The following COPS8 variants were observed in gnomAD, a reference collection of about 807,000 sequenced individuals.
The protein encoded by COPS8 is COP9 signalosome subunit 8.
COPS8 carries 11 observed loss-of-function variants against 31.5 expected under a neutral mutation model. The ratio of observed to expected loss-of-function variants is 0.35; its 90% CI spans 0.22 to 0.58. The LOEUF is 0.58. Among genes scored for constraint, COPS8 ranks in the 20% least tolerant of loss-of-function variants. The pLI is 0.83. For synonymous variants in COPS8, 81 were observed against 89.3 expected (o/e 0.91, Z 0.52); for missense variants, 215 against 255.1 (o/e 0.84, Z 1.07).
chr2:237,089,966 G>T lies in COPS8; in HGVS notation c.303G>T (p.Thr101=). Residue 101 remains threonine (T), a synonymous_variant, in exon 4 of 8, where the codon ACG becomes ACT. Transcript: ENST00000354371. ...TTINAHQWSE[T]VQPIMEALRD... is the part of the protein sequence containing the mutation. ...TCAACGCTCACCAGTGGTCTGAGAC[G>T]GTCCAGCCAATTATGGAAGCACTTA... 1 of 1,613,944 alleles carries T rather than the reference G, an allele frequency of 6.2e-7. No homozygotes were observed. The highest frequency in any genetic ancestry group is 8.5e-7 in the Non-Finnish European group (1 of 1,179,928).
rs1054387704 is a variant in COPS8, at chr2:237,099,230, G to C, written c.*1488G>C. 6.6e-6 allele frequency: 1 copy of C among 152,112 alleles called. No individual in the cohort carries two copies. Among genetic ancestry groups the C allele is most frequent in the African/African-American group, 2.4e-5 (1 of 41,414 alleles). The allele number at this position is 152,112 out of a possible 1,614,324, so 9.4% of individuals were successfully genotyped here. ...ATAGAAAGCACATGTAGTTTATATG[G>C]TTATTTTGAGGGTAACAAAAGGAGA... On this transcript the variant is annotated 3_prime_UTR_variant, in exon 8 of 8. Coordinates refer to ENST00000354371, the MANE Select transcript of COPS8 (RefSeq NM_006710.5).
At chr2:237,091,676 A>T (rs556968741) in intron 4 of COPS8, among the ~76,000 whole-genome samples, 1 of 152,374 alleles carries the variant, frequency 6.6e-6, no homozygotes, top group Non-Finnish European at 1.5e-5. Context: ...ACTGAAAATG[A>T]CTTAAGAGAA....
rs1328584545 is a variant in COPS8, at chr2:237,097,724, G to C, written c.612G>C (p.Val204=). Reference sequence around the variant, plus strand: ...AGTTAGCCAGACTGACGGATTATGTGGCTTTCCTTGAAAACTGATTTATCA... The same window carrying C: ...AGTTAGCCAGACTGACGGATTATGTCGCTTTCCTTGAAAACTGATTTATCA... ...EQQLARLTDY[V]AFLEN is the part of the protein sequence containing the mutation. The change falls in exon 8 of 8, where the codon GTG becomes GTC. Residue 204 remains valine, a synonymous_variant. Transcript: ENST00000354371. 1.9e-6 allele frequency: 3 copies of C among 1,611,476 alleles called. No individual in the cohort carries two copies. The highest frequency in any genetic ancestry group is 2.5e-6 in the Non-Finnish European group (3 of 1,178,900).
chr2:237,086,314 TATTAA>T (rs1283857011), intron 1 of COPS8, among the ~76,000 whole-genome samples: 1 of 152,130 alleles, frequency 6.6e-6, no homozygotes, highest in East Asian at 1.9e-4. Context: ...GATGAGCTCA[TATTAA>T]TTAGGCATCT....
intron 2 of COPS8, 188 bp downstream of exon 2, chr2:237,087,385 A>G (rs1194563956): frequency 9.1e-6 from 5 of 548,578 alleles, no homozygotes; most frequent in Non-Finnish European, 1.7e-5. Context: ...ATTGTCTTAC[A>G]TATACTTTCT....
chr2:237,085,953 C>T lies in COPS8; in HGVS notation c.-12C>T, dbSNP rs752627341. 1.6e-5 allele frequency: 25 copies of T among 1,611,400 alleles called. No homozygotes were observed. Among genetic ancestry groups the T allele is most frequent in the East Asian group, 4.5e-5 (2 of 44,774 alleles). ...CTGTCCGGACGGTGCAGCGGCGAGGCCGGCCGCGAAGATGCCAGTGGCGGT... is the reference window on the plus strand; with the variant it reads ...CTGTCCGGACGGTGCAGCGGCGAGGTCGGCCGCGAAGATGCCAGTGGCGGT... On this transcript the variant is annotated 5_prime_UTR_variant, in exon 1 of 8. Coordinates refer to ENST00000354371, the MANE Select transcript of COPS8 (RefSeq NM_006710.5).
At chr2:237,088,360 G>T (rs1186689362) in intron 2 of COPS8, among the ~76,000 whole-genome samples, 1 of 152,180 alleles carries the variant, frequency 6.6e-6, no homozygotes, top group Admixed American at 6.5e-5. Flanking sequence ...TTAGGATATG[G>T]ATTATTATTT....
intron 2 of COPS8, 81 bp downstream of exon 2, chr2:237,087,278 C>A: frequency 1.1e-6 from 1 of 950,428 alleles, no homozygotes. Flanking sequence ...AGTAGCACCA[C>A]TAAACATAGG....
In COPS8 at chr2:237,089,925, G is replaced by A. The variant is rs1696677465; in HGVS notation, c.262G>A (p.Gly88Arg). 1.9e-6 allele frequency: 3 copies of A among 1,613,744 alleles called. No individual in the cohort carries two copies. Among genetic ancestry groups the A allele is most frequent in the East Asian group, 4.5e-5 (2 of 44,872 alleles). ...AAGAATCTGGCAGAGAGATTTCCCT[G>A]GGATCTATACAACCATCAACGCTCA... ...GQRIWQRDFPGIYTTINAHQW... is the reference protein window; with the variant it reads ...GQRIWQRDFPRIYTTINAHQW... The change falls in exon 4 of 8, where the codon GGG (glycine) becomes AGG (arginine). Residue 88 changes from glycine (G) to arginine (R), a missense_variant. Transcript: ENST00000354371.
intron 2 of COPS8, among the ~76,000 whole-genome samples, chr2:237,088,357 A>G (rs947947730): frequency 6.6e-6 from 1 of 152,234 alleles, no homozygotes; most frequent in Non-Finnish European, 1.5e-5. Context: ...AATTTAGGAT[A>G]TGGATTATTA....
chr2:237,088,684 TTAATG>T (rs1386321278), intron 3 of COPS8, 31 bp downstream of exon 3: 3 of 1,429,858 alleles, frequency 2.1e-6, no homozygotes, highest in Non-Finnish European at 2.9e-6. Context: ...TTTTACTGCT[TTAATG>T]TAATGACATT....
chr2:237,092,521 T>A (rs1028987253), intron 4 of COPS8, among the ~76,000 whole-genome samples: 2 of 152,150 alleles, frequency 1.3e-5, no homozygotes, highest in African/African-American at 4.8e-5. Flanking sequence ...ATGAATATAG[T>A]TTTATGGTGT....
At chr2:237,097,224 C>CTTTTTTTTTTTTTTTTTTTTTTTTTTTT (rs996251270) in intron 7 of COPS8, among the ~76,000 whole-genome samples, 4 of 95,982 alleles carry the variant, frequency 4.2e-5, no homozygotes, top group African/African-American at 1.1e-4. Context: ...TGTGGGTTTT[C>CTTTTTTTTTTTTTTTTTTTTTTTTTTTT]TTTTTTTTTT....
chr2:237,097,531 T>A, intron 7 of COPS8, 132 bp from the exon 8 acceptor site: 1 of 654,222 alleles, frequency 1.5e-6, no homozygotes, highest in Non-Finnish European at 2.6e-6. Context: ...AGATTTTGTC[T>A]AAAACCAGGA....
chr2:237,086,391 T>TAC (rs377415740), intron 1 of COPS8, among the ~76,000 whole-genome samples: 13 of 151,894 alleles, frequency 8.6e-5, no homozygotes, highest in African/African-American at 2.9e-4. Flanking sequence ...GATCTTGGTA[T>TAC]ACACACACAC....
At chr2:237,094,234 GA>G in intron 5 of COPS8, 37 bp downstream of exon 5, 1 of 1,577,240 alleles carries the variant, frequency 6.3e-7, no homozygotes, top group Non-Finnish European at 8.7e-7. Flanking sequence ...AAGGAAAATG[GA>G]AAATAGAAGT....
At chr2:237,095,504 G>A (rs140633890) in intron 5 of COPS8, among the ~76,000 whole-genome samples, 5 of 152,202 alleles carry the variant, frequency 3.3e-5, no homozygotes, top group African/African-American at 7.2e-5. Flanking sequence ...CACAAAAGGC[G>A]CCATATCAGT....
chr2:237,098,859 G>A lies in COPS8; in HGVS notation c.*1117G>A, dbSNP rs1489828733. 3 of 152,054 alleles carry A rather than the reference G, an allele frequency of 2.0e-5. No homozygotes were observed. The highest frequency in any genetic ancestry group is 6.6e-5 in the Admixed American group (1 of 15,256). 9.4% of individuals were successfully genotyped at this position (152,054 alleles called of 1,614,324 possible). A position where few individuals can be genotyped will look rare whatever the true frequency, so the allele number is the denominator to read the frequency against. On this transcript the variant is annotated 3_prime_UTR_variant, in exon 8 of 8. Coordinates refer to ENST00000354371, the MANE Select transcript of COPS8 (RefSeq NM_006710.5). Reference sequence around the variant, plus strand: ...TATTTATTTTGAATGCATTTTAGTGGCTATTTCAGTTTTTCTTAACATATA... The same window carrying A: ...TATTTATTTTGAATGCATTTTAGTGACTATTTCAGTTTTTCTTAACATATA...
intron 2 of COPS8, 91 bp from the exon 3 acceptor site, chr2:237,088,514 T>C (rs529901348): frequency 1.2e-5 from 10 of 830,210 alleles, no homozygotes; most frequent in African/African-American, 1.2e-4. Context: ...TATACTTCTG[T>C]ATGTTTGGCT....
Sources: allele counts gnomAD v4.1 joint callset (sites outside exome capture counted in the v4.1 genomes callset), GRCh38; gene constraint gnomAD v4.1.1; transcripts MANE v1.5; gene names NCBI Gene and HGNC (gene_info 2026-07-23, HGNC 2026-07-21).